DUOX2: variants seen among roughly 807,000 people sequenced by gnomAD.
DUOX2 encodes dual oxidase 2.
DUOX2 carries 185 observed loss-of-function variants against 183.3 expected under a neutral mutation model. The ratio of observed to expected loss-of-function variants is 1.01; its 90% CI spans 0.90 to 1.14. The LOEUF (loss-of-function observed/expected upper bound fraction) is 1.14, where lower values mean the gene tolerates loss of function less well. Among genes scored for constraint, DUOX2 ranks in the 50% most tolerant of loss-of-function variants. DUOX2 has a pLI of 0.00. For missense variants in DUOX2, 1,999 were observed against 2,022.9 expected (o/e 0.99, Z 0.23); for synonymous variants, 788 against 812.4 (o/e 0.97, Z 0.51).
chr15:45,099,622 G>A (rs1440104157), intron 25 of DUOX2, 40 bp downstream of exon 25: 1 of 1,610,270 alleles, frequency 6.2e-7, no homozygotes, highest in Non-Finnish European at 8.5e-7. Flanking sequence ...CTAGACCCAG[G>A]GTGCTGCAGC....
chr15:45,109,539 C>A lies in DUOX2; in HGVS notation c.1219G>T (p.Val407Phe), dbSNP rs1595527210. The change falls in exon 11 of 34, where the codon GTT (valine) becomes TTT (phenylalanine). Residue 407 changes from valine (V) to phenylalanine (F), a missense_variant. Physicochemically the swap from Val to Phe is conservative, Grantham distance 50. Around this residue, in one of 3 missense-constraint regions of DUOX2, gnomAD observed 1,628 missense variants for 1,608.6 expected, o/e 1.01. Coordinates refer to ENST00000389039, the MANE Select transcript of DUOX2 (RefSeq NM_001363711.2). The part of the protein sequence containing the change: ...QISELEDNIV[V>F]EDLRDYWPGP... Reference sequence around the variant, plus strand: ...CTGAGCTCACCCCTCAGATCTTCAACCACTATGTTGTCCTCCAACTCCGAA... The same window carrying A: ...CTGAGCTCACCCCTCAGATCTTCAAACACTATGTTGTCCTCCAACTCCGAA... The A allele has an allele frequency of 4.3e-6, 7 of 1,614,118 alleles. No homozygotes were observed. In the East Asian group the frequency reaches 1.6e-4, roughly 36 times the overall value.
Position 45,106,891 on chromosome 15 carries a change from A to G in DUOX2, c.1772T>C (p.Phe591Ser), listed in dbSNP as rs914992230. The part of the protein sequence containing the change: ...QCAPLTVLDF[F>S]EGSSPGFAIT... ...GGCAAAACCAGGGCTGCTGCCTTCA[A>G]AGAAGTCAAGCACAGTCAGGGGTGC... The change falls in exon 15 of 34, where the codon TTT becomes TCT. Residue 591 changes from phenylalanine to serine, a missense_variant. Physicochemically the swap from Phe to Ser is radical, Grantham distance 155. Coordinates refer to ENST00000389039, the MANE Select transcript of DUOX2 (RefSeq NM_001363711.2). 2.6e-5 allele frequency: 42 copies of G among 1,585,834 alleles called. No homozygotes were observed. Among genetic ancestry groups the G allele is most frequent in the East Asian group, 9.1e-5 (4 of 44,088 alleles).
rs1893800245 is a variant in DUOX2, at chr15:45,092,927, G to C, written c.*1223C>G. The C allele has an allele frequency of 6.6e-6, 1 of 152,228 alleles. No homozygotes were observed. Among genetic ancestry groups the C allele is most frequent in the Non-Finnish European group, 1.5e-5 (1 of 68,052 alleles). 9.4% of individuals were successfully genotyped at this position (152,228 alleles called of 1,614,324 possible). ...CATCAGTGGTTGCTTCTAGGAGCTA[G>C]GGGAGACGAAGTGGAAGGGGGTACA... On this transcript the variant is annotated 3_prime_UTR_variant, in exon 34 of 34. Transcript: ENST00000389039.
rs144759209 is a variant in DUOX2, at chr15:45,100,193, G to A, written c.3041C>T (p.Ala1014Val). Residue 1014 changes from alanine to valine, a missense_variant, in exon 24 of 34, where the codon GCG becomes GTG. This residue lies in a region of DUOX2 where 1,628 missense variants were observed against 1,608.6 expected (regional missense o/e 1.01). Transcript: ENST00000389039. Reference sequence around the variant, plus strand: ...GCCTCGCTGCATCTTCTCTTGCAGCGCCTCTGTGTACAGCCGGGGAGTGGG... The same window carrying A: ...GCCTCGCTGCATCTTCTCTTGCAGCACCTCTGTGTACAGCCGGGGAGTGGG... ...AVPTPRLYTEALQEKMQRGFL... is the reference protein window; with the variant it reads ...AVPTPRLYTEVLQEKMQRGFL... 223 of 1,614,016 alleles carry A rather than the reference G, an allele frequency of 1.4e-4. 1 individual carries two copies. Among genetic ancestry groups the A allele is most frequent in the Middle Eastern group, 8.2e-4 (5 of 6,062 alleles).
In DUOX2 at chr15:45,095,632, C is replaced by T. The variant is rs774186374; in HGVS notation, c.4081-37G>A. 6.2e-6 allele frequency: 10 copies of T among 1,613,940 alleles called. No homozygotes were observed. The East Asian group carries it at 1.6e-4, about 25-fold the overall frequency. ...GGGGGGAGATGAAATGAGCCTGACC[C>T]TGCCCCAGCTCTGAGACCAGAAACG... is the stretch of plus-strand genomic sequence containing the variant. On this transcript the variant is annotated intron_variant, in intron 30 of 33. Coordinates refer to ENST00000389039, the MANE Select transcript of DUOX2 (RefSeq NM_001363711.2).
chr15:45,105,570 G>A, intron 18 of DUOX2, 73 bp downstream of exon 18: 1 of 1,581,926 alleles, frequency 6.3e-7, no homozygotes, highest in South Asian at 1.1e-5. Context: ...CACCCACAGG[G>A]GCGTTCTATG....
chr15:45,095,298 C>T, intron 31 of DUOX2, 139 bp downstream of exon 31: 1 of 1,449,032 alleles, frequency 6.9e-7, no homozygotes, highest in East Asian at 2.3e-5. Flanking sequence ...CCAAGTTTGG[C>T]ATCTCAACCA....
Position 45,107,413 on chromosome 15 carries a change from T to A in DUOX2, c.1625A>T (p.Asp542Val). Residue 542 changes from aspartate to valine, a missense_variant, in exon 14 of 34, where the codon GAC (aspartate) becomes GTC (valine). Around this residue, in one of 3 missense-constraint regions of DUOX2, gnomAD observed 1,628 missense variants for 1,608.6 expected, o/e 1.01. Transcript: ENST00000389039. The part of the protein sequence containing the change: ...IEDIRNTTLR[D>V]VLVAVINIDP... ...AATGTTGATAACAGCGACCAGCACG[T>A]CCCGCAGGGTGGTATTTCGGATGTC... 1 of 1,614,224 alleles carries A rather than the reference T, an allele frequency of 6.2e-7. No individual in the cohort carries two copies. Among genetic ancestry groups the A allele is most frequent in the Non-Finnish European group, 8.5e-7 (1 of 1,180,036 alleles).
At chr15:45,101,722 T>A (rs1894085240) in intron 21 of DUOX2, 71 bp downstream of exon 21, 4 of 1,604,950 alleles carry the variant, frequency 2.5e-6, no homozygotes, top group Non-Finnish European at 2.6e-6. Flanking sequence ...ACCTGGGTCC[T>A]GCCCACCAGG....
At chr15:45,103,682 C>T (rs937533367) in intron 20 of DUOX2, among the ~76,000 whole-genome samples, 1 of 150,844 alleles carries the variant, frequency 6.6e-6, no homozygotes, top group Non-Finnish European at 1.5e-5. Context: ...GGATTTTTGT[C>T]GTTGGCCATA....
chr15:45,107,938 G>A, intron 13 of DUOX2, 109 bp downstream of exon 13: 1 of 1,248,720 alleles, frequency 8.0e-7, no homozygotes, highest in Non-Finnish European at 1.2e-6. Context: ...GGAAGGGTGT[G>A]GTGGGCTGAC....
chr15:45,108,254 T>A, intron 12 of DUOX2, 32 bp from the exon 13 acceptor site: 1 of 1,612,812 alleles, frequency 6.2e-7, no homozygotes, highest in Non-Finnish European at 8.5e-7. Context: ...GGGGTGAGCG[T>A]ATGTTTGCTG....
Position 45,093,674 on chromosome 15 carries a change from AC to A in DUOX2, c.*475del, listed in dbSNP as rs1391088857. On this transcript the variant is annotated 3_prime_UTR_variant, in exon 34 of 34. Transcript: ENST00000389039. ...GTCAGTCCAAGCAAATACCAAAGCA[AC>A]GCATCGATTTTGTGGAAGTCAATTA... The A allele has an allele frequency of 5.5e-6, 1 of 180,286 alleles. No individual in the cohort carries two copies. 11.2% of individuals were successfully genotyped at this position (180,286 alleles called of 1,614,324 possible).
At chr15:45,096,702 A>G (rs1400961300) in intron 29 of DUOX2, among the ~76,000 whole-genome samples, 1 of 152,192 alleles carries the variant, frequency 6.6e-6, no homozygotes, top group Non-Finnish European at 1.5e-5. Flanking sequence ...TCCTTAAGTA[A>G]TCTCAATTGA....
rs550082201 is a variant in DUOX2, at chr15:45,101,887, C to T, written c.2757G>A (p.Leu919=). The T allele has an allele frequency of 6.2e-7, 1 of 1,614,216 alleles. No individual in the cohort carries two copies. Among genetic ancestry groups the T allele is most frequent in the African/African-American group, 1.3e-5 (1 of 75,062 alleles). The change falls in exon 21 of 34, where the codon CTG becomes CTA. Residue 919 remains leucine (L), a synonymous_variant. Coordinates refer to ENST00000389039, the MANE Select transcript of DUOX2 (RefSeq NM_001363711.2). Reference sequence around the variant, plus strand: ...GCATGAAGTGAAAATCCTCCCATGTCAGCTCCTCCTTGTCCTGGAATCCCG... The same window carrying T: ...GCATGAAGTGAAAATCCTCCCATGTTAGCTCCTCCTTGTCCTGGAATCCCG... ...RESGFQDKEE[L]TWEDFHFMLR...
chr15:45,107,329 C>T lies in DUOX2; in HGVS notation c.1693+16G>A, dbSNP rs1191676249. On this transcript the variant is annotated intron_variant, in intron 14 of 33. Coordinates refer to ENST00000389039, the MANE Select transcript of DUOX2 (RefSeq NM_001363711.2). ...CTGGCCACTGTCACTCACTTGTGTT[C>T]TCCCACGGCACTCACCTTTATGCCA... The T allele has an allele frequency of 5.6e-6, 9 of 1,613,412 alleles. No homozygotes were observed. Among genetic ancestry groups the T allele is most frequent in the Non-Finnish European group, 7.6e-6 (9 of 1,179,402 alleles).
intron 33 of DUOX2, 69 bp downstream of exon 33, chr15:45,094,494 G>A: frequency 6.4e-7 from 1 of 1,565,978 alleles, no homozygotes; most frequent in Non-Finnish European, 8.7e-7. Context: ...GAGTGGCAGG[G>A]TGCTTCAGGG....
In DUOX2 at chr15:45,097,785, A is replaced by C. The variant is rs766065308; in HGVS notation, c.3566-44T>G. On this transcript the variant is annotated intron_variant, in intron 27 of 33. Coordinates refer to ENST00000389039, the MANE Select transcript of DUOX2 (RefSeq NM_001363711.2). Reference sequence around the variant, plus strand: ...GGCCAGTGAGTAGTCTCAGGACTTCAGCTTGGGCTGAAAAGACAACAGCAC... The same window carrying C: ...GGCCAGTGAGTAGTCTCAGGACTTCCGCTTGGGCTGAAAAGACAACAGCAC... 2.5e-6 allele frequency: 4 copies of C among 1,614,002 alleles called. No homozygotes were observed. The East Asian group carries it at 8.9e-5, about 36-fold the overall frequency.
chr15:45,104,889 T>A (rs920335327), intron 18 of DUOX2, among the ~76,000 whole-genome samples: 20 of 152,308 alleles, frequency 1.3e-4, no homozygotes, highest in African/African-American at 4.3e-4. Flanking sequence ...GGCATGATCT[T>A]GGCTCACTGC....
Sources: allele counts gnomAD v4.1 joint callset (sites outside exome capture counted in the v4.1 genomes callset), GRCh38; gene constraint gnomAD v4.1.1; regional missense constraint gnomAD v4.1.1; transcripts MANE v1.5; gene names NCBI Gene and HGNC (gene_info 2026-07-23, HGNC 2026-07-21).